Variants in CWF19L2 observed in about 807,000 individuals in gnomAD.
CWF19L2 encodes the protein CWF19-like protein 2.
Under a neutral mutation model 111.7 loss-of-function variants are expected in CWF19L2, and 98 were observed. The observed-to-expected ratio is 0.88, with a 90% confidence interval of 0.75 to 1.04. The LOEUF is 1.04. Among genes scored for constraint, CWF19L2 ranks in the 50% least tolerant of loss-of-function variants. The probability of loss-of-function intolerance (pLI) is 0.00; values close to 1 mark genes in which losing one functional copy is unlikely to be tolerated. For synonymous variants in CWF19L2, 351 were observed against 342.9 expected (o/e 1.02, Z -0.26); for missense variants, 1,101 against 1,051.4 (o/e 1.05, Z -0.65).
In CWF19L2 at chr11:107,457,742, G is replaced by A. The variant is rs1215193410; in HGVS notation, c.75C>T (p.Thr25=). Residue 25 remains threonine, a synonymous_variant, in exon 1 of 18, where the codon ACC becomes ACT. Coordinates refer to ENST00000282251, the MANE Select transcript of CWF19L2 (RefSeq NM_152434.3). ...AKSIEERKEQ[T]RNARAEVLRQ... ...GCAACACCTCGGCCCTGGCATTCCG[G>A]GTCTGTTCTTTCCGCTCTTCGATAC... The A allele has an allele frequency of 1.3e-6, 2 of 1,551,598 alleles. No homozygotes were observed. The highest frequency in any genetic ancestry group is 1.7e-6 in the Non-Finnish European group (2 of 1,146,910).
intron 17 of CWF19L2, among the ~76,000 whole-genome samples, chr11:107,328,161 T>C (rs969253248): frequency 7.1e-6 from 1 of 140,532 alleles, no homozygotes; most frequent in African/African-American, 2.6e-5. Flanking sequence ...AAAAAAACAA[T>C]CTATTTGTTG....
At position 107,368,539 on chromosome 11, in the gene CWF19L2, A is replaced by T. The variant is rs570209640; in HGVS notation, c.1873-14803T>A. On this transcript the variant is annotated intron_variant, in intron 12 of 17. Coordinates refer to ENST00000282251, the MANE Select transcript of CWF19L2 (RefSeq NM_152434.3). ...AACTTCATGAATAATCATATACAGA[A>T]GAGAAGAAAGATATAAAGATATAAT... 8.7e-5 allele frequency among the ~76,000 whole-genome samples: 12 copies of T among 138,246 alleles called. 5 individuals are homozygous for T. In the South Asian group the frequency reaches 2.9e-3, roughly 34 times the overall value. 90.7% of individuals were successfully genotyped at this position (138,246 alleles called of 152,430 possible).
At chr11:107,407,967 T>C (rs934998232) in intron 10 of CWF19L2, among the ~76,000 whole-genome samples, 1 of 152,082 alleles carries the variant, frequency 6.6e-6, no homozygotes, top group African/African-American at 2.4e-5. Flanking sequence ...GATAATACCA[T>C]GCTAAAGATT....
intron 12 of CWF19L2, among the ~76,000 whole-genome samples, chr11:107,360,837 G>C (rs900696185): frequency 6.6e-6 from 1 of 152,142 alleles, no homozygotes; most frequent in African/African-American, 2.4e-5. Flanking sequence ...GGGACTATTT[G>C]TTGTTGTTGC....
chr11:107,430,563 G>C (rs568361806), intron 7 of CWF19L2, among the ~76,000 whole-genome samples: 1 of 152,056 alleles, frequency 6.6e-6, no homozygotes, highest in East Asian at 1.9e-4. Context: ...TTCGGGCAAA[G>C]ATCTCTGAAA....
intron 12 of CWF19L2, among the ~76,000 whole-genome samples, chr11:107,357,511 A>G (rs1035800253): frequency 6.6e-6 from 1 of 152,352 alleles, no homozygotes; most frequent in Non-Finnish European, 1.5e-5. Context: ...TGTTTTATAC[A>G]TGGAAGATGG....
intron 13 of CWF19L2, among the ~76,000 whole-genome samples, chr11:107,350,802 A>C (rs1475207065): frequency 6.6e-6 from 1 of 152,120 alleles, no homozygotes; most frequent in Non-Finnish European, 1.5e-5. Context: ...CCTCCCTTTA[A>C]AGTTACCTTC....
In CWF19L2 at chr11:107,455,675, C is replaced by G; in HGVS notation, c.207G>C (p.Gln69His). The G allele has an allele frequency of 6.5e-7, 1 of 1,540,368 alleles. No individual in the cohort carries two copies. The highest frequency in any genetic ancestry group is 1.2e-5 in the South Asian group (1 of 83,274). The change falls in exon 2 of 18, where the codon CAG becomes CAC. Residue 69 changes from glutamine to histidine, a missense_variant. Coordinates refer to ENST00000282251, the MANE Select transcript of CWF19L2 (RefSeq NM_152434.3). ...ACCTGTTAGTATTCACCTGTGAGAA[C>G]TGTTCAATTCTCTCATTCACATCAG... ...MLPDVNERIEQFSQEHSVKKK... is the reference protein window; with the variant it reads ...MLPDVNERIEHFSQEHSVKKK...
intron 8 of CWF19L2, among the ~76,000 whole-genome samples, chr11:107,427,019 G>C (rs1034854015): frequency 6.6e-6 from 1 of 151,740 alleles, no homozygotes; most frequent in Admixed American, 6.6e-5. Flanking sequence ...ATTACAAATG[G>C]CATGTTCTAA....
intron 16 of CWF19L2, among the ~76,000 whole-genome samples, chr11:107,332,935 C>T (rs975375541): frequency 2.0e-5 from 3 of 152,052 alleles, no homozygotes; most frequent in African/African-American, 4.8e-5. Context: ...GCCTGACCAA[C>T]ATGGTGAAAC....
chr11:107,364,617 G>A (rs11493853), intron 12 of CWF19L2, among the ~76,000 whole-genome samples: 32,937 of 122,048 alleles, frequency 0.27, 5,176 homozygotes, highest in Non-Finnish European at 0.32. Context: ...GATGTTCTTT[G>A]AAACCAACAA....
At chr11:107,346,811 T>C (rs912562167) in intron 14 of CWF19L2, among the ~76,000 whole-genome samples, 3 of 152,198 alleles carry the variant, frequency 2.0e-5, no homozygotes, top group African/African-American at 7.2e-5. Context: ...ACCTCCAGCC[T>C]TCTTCCCCCA....
chr11:107,387,273 T>A (rs1270314125), intron 12 of CWF19L2, among the ~76,000 whole-genome samples: 1 of 152,052 alleles, frequency 6.6e-6, no homozygotes, highest in Non-Finnish European at 1.5e-5. Flanking sequence ...CCTGACACTT[T>A]TCACCAGTTT....
At chr11:107,351,497 G>A (rs2134544254) in intron 13 of CWF19L2, among the ~76,000 whole-genome samples, 1 of 152,228 alleles carries the variant, frequency 6.6e-6, no homozygotes, top group Admixed American at 6.5e-5. Flanking sequence ...TAGAATTCTA[G>A]GAGATATTTG....
At chr11:107,436,027 A>G (rs536837621) in intron 6 of CWF19L2, among the ~76,000 whole-genome samples, 20 of 151,924 alleles carry the variant, frequency 1.3e-4, no homozygotes, top group African/African-American at 4.6e-4. Flanking sequence ...GGTGGCATGC[A>G]CCTGTAGTCC....
intron 8 of CWF19L2, among the ~76,000 whole-genome samples, chr11:107,423,835 CCTT>C (rs1400342467): frequency 2.0e-5 from 3 of 151,842 alleles, no homozygotes; most frequent in East Asian, 1.9e-4. Context: ...CAATCCATCT[CCTT>C]CTCTTGAGGA....
intron 11 of CWF19L2, 55 bp from the exon 12 acceptor site, chr11:107,390,266 T>G: frequency 1.5e-6 from 2 of 1,328,726 alleles, no homozygotes; most frequent in Non-Finnish European, 2.1e-6. Context: ...CTGAAGTATT[T>G]CTTGATGGAT....
chr11:107,452,118 G>A (rs772344546), intron 3 of CWF19L2, among the ~76,000 whole-genome samples: 55 of 152,092 alleles, frequency 3.6e-4, no homozygotes, highest in Non-Finnish European at 6.9e-4. Context: ...AACAGGCACA[G>A]AGACTGAAAA....
chr11:107,396,895 C>A (rs550583100), intron 10 of CWF19L2, among the ~76,000 whole-genome samples: 1 of 152,268 alleles, frequency 6.6e-6, no homozygotes, highest in Non-Finnish European at 1.5e-5. Context: ...AACATACCCC[C>A]CAACTGGAGA....
Sources: allele counts gnomAD v4.1 joint callset (sites outside exome capture counted in the v4.1 genomes callset), GRCh38; gene constraint gnomAD v4.1.1; transcripts MANE v1.5; gene names NCBI Gene and HGNC (gene_info 2026-07-23, HGNC 2026-07-21).